Variants in NDUFA9 observed in about 807,000 individuals in gnomAD.
NDUFA9 encodes NADH dehydrogenase [ubiquinone] 1 alpha subcomplex subunit 9, mitochondrial.
NDUFA9 carries 23 observed loss-of-function variants against 45.9 expected under a neutral mutation model. That is an observed-to-expected ratio of 0.50 (90% CI 0.36 to 0.71). The LOEUF (loss-of-function observed/expected upper bound fraction) is 0.71. Ranked by LOEUF, NDUFA9 falls within the 30% of genes least tolerant of loss-of-function variation. The pLI, the probability that NDUFA9 is intolerant of heterozygous loss-of-function variation, is 0.00. For synonymous variants in NDUFA9, 176 were observed against 170.5 expected (o/e 1.03, Z -0.25); for missense variants, 466 against 488.2 (o/e 0.95, Z 0.43).
chr12:4,649,147 C>G lies in NDUFA9; in HGVS notation c.21C>G (p.Ser7=), dbSNP rs745611828. 4.8e-5 allele frequency: 77 copies of G among 1,604,714 alleles called. No homozygotes were observed. In the South Asian group the frequency reaches 8.1e-4, roughly 17 times the overall value. MAAAAQ[S]RVVRVLSMSR... ...AAAAGATGGCGGCTGCCGCACAATCCCGGGTTGTCCGGGTCCTGTCAATGT... is the reference window on the plus strand; with the variant it reads ...AAAAGATGGCGGCTGCCGCACAATCGCGGGTTGTCCGGGTCCTGTCAATGT... The change falls in exon 1 of 11, where the codon TCC becomes TCG. Residue 7 remains serine, a synonymous_variant. Transcript: ENST00000266544.
At chr12:4,678,412 C>G (rs1387285591) in intron 8 of NDUFA9, among the ~76,000 whole-genome samples, 2 of 151,898 alleles carry the variant, frequency 1.3e-5, no homozygotes, top group African/African-American at 4.8e-5. Context: ...CCTATGGCAT[C>G]AAAAGCCTAT....
At chr12:4,664,165 T>C (rs1945839934) in intron 6 of NDUFA9, among the ~76,000 whole-genome samples, 1 of 152,334 alleles carries the variant, frequency 6.6e-6, no homozygotes, top group East Asian at 1.9e-4. Context: ...ATTTGGAAAA[T>C]TCTCAGCTTA....
rs1244127429 is a variant in NDUFA9, at chr12:4,649,192, A to G, written c.49+17A>G. 6.3e-6 allele frequency: 10 copies of G among 1,599,366 alleles called. No individual in the cohort carries two copies. The highest frequency in any genetic ancestry group is 8.5e-6 in the Non-Finnish European group (10 of 1,172,944). ...CAATGTCACGTAAGTGTTACCGGGA[A>G]CGGCGGCCCCTGGTCGGGATTCCGA... On this transcript the variant is annotated intron_variant, in intron 1 of 10. Transcript: ENST00000266544.
At chr12:4,670,023 A>G (rs1945876719) in intron 8 of NDUFA9, among the ~76,000 whole-genome samples, 1 of 152,206 alleles carries the variant, frequency 6.6e-6, no homozygotes, top group Admixed American at 6.5e-5. Flanking sequence ...ACTGCCCTAG[A>G]CTATTACATA....
At chr12:4,666,312 A>G (rs1157011498) in intron 6 of NDUFA9, among the ~76,000 whole-genome samples, 1 of 152,180 alleles carries the variant, frequency 6.6e-6, no homozygotes, top group African/African-American at 2.4e-5. Context: ...TGTGATTTGT[A>G]AAATTTTCTC....
At chr12:4,658,948 T>A (rs1251563331) in intron 4 of NDUFA9, 88 bp from the exon 5 acceptor site, 8 of 1,318,224 alleles carry the variant, frequency 6.1e-6, no homozygotes, top group Non-Finnish European at 8.5e-6. Context: ...TGAATTTCAG[T>A]ACTGTTATGA....
In NDUFA9 at chr12:4,667,567, G is replaced by A. The variant is rs187751664; in HGVS notation, c.656-890G>A. On this transcript the variant is annotated intron_variant, in intron 6 of 10. Coordinates refer to ENST00000266544, the MANE Select transcript of NDUFA9 (RefSeq NM_005002.5). ...CACTCTGACACCCAGGCTGGAGTGC[G>A]GTGGCGTGATCTCGGCTCACTGCAA... The A allele has an allele frequency of 8.8e-4, 194 of 219,920 alleles. 1 individual carries two copies. Among genetic ancestry groups the A allele is most frequent in the African/African-American group, 4.6e-3 (187 of 41,046 alleles). 13.6% of individuals were successfully genotyped at this position (219,920 alleles called of 1,614,324 possible). A position where few individuals can be genotyped will look rare whatever the true frequency, so the allele number is the denominator to read the frequency against.
At chr12:4,686,882 G>A in intron 10 of NDUFA9, 56 bp from the exon 11 acceptor site, 2 of 1,543,676 alleles carry the variant, frequency 1.3e-6, no homozygotes, top group Middle Eastern at 2.0e-4. Context: ...TGCTAGGATA[G>A]CACTTTGTTC....
chr12:4,662,560 G>A lies in NDUFA9; in HGVS notation c.580G>A (p.Ala194Thr), dbSNP rs863224085. 8.1e-6 allele frequency: 13 copies of A among 1,613,766 alleles called. No homozygotes were observed. The highest frequency in any genetic ancestry group is 3.3e-5 in the South Asian group (3 of 91,078). ...TGTTGGAGAGAAAGTAGTGAGAGAT[G>A]CATTTCCGGAAGCCATTATCGTAAA... is the stretch of plus-strand genomic sequence containing the variant. Reference protein sequence around the residue: ...KAVGEKVVRDAFPEAIIVKPS... With the variant: ...KAVGEKVVRDTFPEAIIVKPS... The change falls in exon 6 of 11, where the codon GCA (alanine) becomes ACA (threonine). Residue 194 changes from alanine to threonine, a missense_variant. Ala to Thr is a moderately conservative substitution (Grantham distance 58). Coordinates refer to ENST00000266544, the MANE Select transcript of NDUFA9 (RefSeq NM_005002.5).
chr12:4,679,569 T>C (rs369549949), intron 8 of NDUFA9, among the ~76,000 whole-genome samples: 1 of 152,148 alleles, frequency 6.6e-6, no homozygotes, highest in Non-Finnish European at 1.5e-5. Context: ...GGCAACTATA[T>C]TGGATGCTGC....
chr12:4,669,822 G>A lies in NDUFA9; in HGVS notation c.800+5G>A. ...GAAATCCTTTGCTTTCGTTGGGTAA[G>A]TGCTTAGAGTTTGAATTTTAAATTG... On this transcript the variant is annotated splice_donor_5th_base_variant and intron_variant, in intron 8 of 10. Transcript: ENST00000266544. 6.2e-7 allele frequency: 1 copy of A among 1,600,658 alleles called. No homozygotes were observed. Among genetic ancestry groups the A allele is most frequent in the Non-Finnish European group, 8.6e-7 (1 of 1,167,928 alleles).
At chr12:4,650,869 T>G (rs923119964) in intron 1 of NDUFA9, among the ~76,000 whole-genome samples, 2 of 152,080 alleles carry the variant, frequency 1.3e-5, no homozygotes, top group Non-Finnish European at 2.9e-5. Flanking sequence ...ATATCTGGGA[T>G]AGTGGAAAAG....
At chr12:4,660,568 G>A (rs907855048) in intron 5 of NDUFA9, among the ~76,000 whole-genome samples, 1 of 152,074 alleles carries the variant, frequency 6.6e-6, no homozygotes, top group African/African-American at 2.4e-5. Flanking sequence ...TTTCAGATTG[G>A]GCCCAGAACA....
chr12:4,659,011 A>T (rs1178984844), intron 4 of NDUFA9, 25 bp from the exon 5 acceptor site: 1 of 1,605,350 alleles, frequency 6.2e-7, no homozygotes, highest in Non-Finnish European at 8.5e-7. Context: ...GTTCTTAACC[A>T]ATCCTTTTAT....
rs897376679 is a variant in NDUFA9, at chr12:4,692,995, C to G, written c.*5887C>G. ...GTGACTAGGCTTTCCTTTAAAACCT[C>G]TGTACTAGGCCGGGTGCAGTGGCTC... On this transcript the variant is annotated 3_prime_UTR_variant, in exon 11 of 11. Transcript: ENST00000266544. 1.3e-5 allele frequency: 2 copies of G among 152,248 alleles called. No homozygotes were observed. The highest frequency in any genetic ancestry group is 2.9e-5 in the Non-Finnish European group (2 of 68,092). The allele number at this position is 152,248 out of a possible 1,614,324, so 9.4% of individuals were successfully genotyped here. A position where few individuals can be genotyped will look rare whatever the true frequency, so the allele number is the denominator to read the frequency against.
At chr12:4,678,288 A>T (rs1028428620) in intron 8 of NDUFA9, among the ~76,000 whole-genome samples, 1 of 152,200 alleles carries the variant, frequency 6.6e-6, no homozygotes, top group African/African-American at 2.4e-5. Flanking sequence ...ATAATTAAAA[A>T]AAAAATTTCA....
chr12:4,674,927 A>G (rs7958603), intron 8 of NDUFA9, among the ~76,000 whole-genome samples: 3,604 of 152,326 alleles, frequency 0.024, 62 homozygotes, highest in Non-Finnish European at 0.039. Context: ...AAAGTAAAAC[A>G]GTTCTCAGCA....
chr12:4,658,485 A>G (rs758914588), intron 4 of NDUFA9, among the ~76,000 whole-genome samples: 5 of 152,178 alleles, frequency 3.3e-5, no homozygotes, highest in Non-Finnish European at 7.3e-5. Context: ...AACGTTACCG[A>G]ATGAAATTGT....
intron 8 of NDUFA9, among the ~76,000 whole-genome samples, chr12:4,677,247 A>C (rs1233827187): frequency 1.3e-5 from 2 of 152,256 alleles, no homozygotes; most frequent in Non-Finnish European, 2.9e-5. Context: ...ATGGGCAAAG[A>C]CTTCGTAATT....
Sources: allele counts gnomAD v4.1 joint callset (sites outside exome capture counted in the v4.1 genomes callset), GRCh38; gene constraint gnomAD v4.1.1; transcripts MANE v1.5; gene names NCBI Gene and HGNC (gene_info 2026-07-23, HGNC 2026-07-21).